The following TRPC6 variants were observed in gnomAD, a reference collection of about 807,000 sequenced individuals.
TRPC6 encodes the protein short transient receptor potential channel 6.
In TRPC6, 55 loss-of-function variants were observed where a neutral mutation model predicts 90.7. The observed-to-expected ratio is 0.61, with a 90% CI of 0.49 to 0.76. TRPC6 has a LOEUF of 0.76. TRPC6 is among the 30% of genes least tolerant of loss of function. The pLI, the probability that TRPC6 is intolerant of heterozygous loss-of-function variation, is 0.00. For synonymous variants in TRPC6, 393 were observed against 393.0 expected (o/e 1.00, Z 0.00); for missense variants, 989 against 1,122.7 (o/e 0.88, Z 1.70).
At chr11:101,458,685 G>C (rs752484073) in intron 10 of TRPC6, among the ~76,000 whole-genome samples, 2 of 151,392 alleles carry the variant, frequency 1.3e-5, no homozygotes, top group Non-Finnish European at 2.9e-5. Flanking sequence ...GTGACCTTTA[G>C]AGTTAAAGGA....
intron 10 of TRPC6, among the ~76,000 whole-genome samples, chr11:101,464,397 G>A (rs1308852337): frequency 6.6e-6 from 1 of 152,144 alleles, no homozygotes; most frequent in East Asian, 1.9e-4. Flanking sequence ...GGATGTTAGA[G>A]TCTCTCACTA....
chr11:101,520,098 T>A (rs1382192984), intron 1 of TRPC6, among the ~76,000 whole-genome samples: 1 of 152,084 alleles, frequency 6.6e-6, no homozygotes, highest in Non-Finnish European at 1.5e-5. Context: ...TGCCCAAATC[T>A]CATGTTGAAT....
chr11:101,528,899 G>T (rs1860846501), intron 1 of TRPC6, among the ~76,000 whole-genome samples: 1 of 151,988 alleles, frequency 6.6e-6, no homozygotes, highest in African/African-American at 2.4e-5. Context: ...CTGGAATCAT[G>T]AAAATATTAA....
chr11:101,521,721 G>A (rs1416633454), intron 1 of TRPC6, among the ~76,000 whole-genome samples: 2 of 152,216 alleles, frequency 1.3e-5, no homozygotes, highest in African/African-American at 2.4e-5. Context: ...TGAGCCATAG[G>A]GGCAAAGCTG....
At chr11:101,490,001 T>C (rs1374164796) in intron 3 of TRPC6, among the ~76,000 whole-genome samples, 6 of 152,178 alleles carry the variant, frequency 3.9e-5, no homozygotes, top group Non-Finnish European at 7.3e-5. Context: ...GTATGGAAAC[T>C]GGTACACCAT....
In TRPC6 at chr11:101,558,393, A is replaced by C. The variant is rs78558450; in HGVS notation, c.170+24941T>G. ...TACATGTATATATGTATACATGTAT[A>C]CATATACACACACACATATACACAC... On this transcript the variant is annotated intron_variant, in intron 1 of 12. Transcript: ENST00000344327. 1.4e-3 allele frequency among the ~76,000 whole-genome samples: 70 copies of C among 50,670 alleles called. 15 individuals carry two copies. Among genetic ancestry groups the C allele is most frequent in the East Asian group, 6.8e-3 (3 of 442 alleles). The allele number at this position is 50,670 out of a possible 152,430, so 33.2% of individuals were successfully genotyped here.
At chr11:101,459,830 C>T (rs1252172692) in intron 10 of TRPC6, among the ~76,000 whole-genome samples, 1 of 152,032 alleles carries the variant, frequency 6.6e-6, no homozygotes. Context: ...TTTTTAAAAC[C>T]AAATAACAAC....
At chr11:101,466,633 T>C (rs957384578) in intron 10 of TRPC6, among the ~76,000 whole-genome samples, 1 of 152,236 alleles carries the variant, frequency 6.6e-6, no homozygotes, top group Non-Finnish European at 1.5e-5. Flanking sequence ...GGATCTTAGT[T>C]TGCTGGGCTC....
At position 101,472,128 on chromosome 11, in the gene TRPC6, A is replaced by C. The variant is rs190441617; in HGVS notation, c.2205+9T>G. On this transcript the variant is annotated intron_variant, in intron 8 of 12. Coordinates refer to ENST00000344327, the MANE Select transcript of TRPC6 (RefSeq NM_004621.6). ...AGGCACAAATTATAAAAATGTATTG[A>C]GATTATACCTCAATTTCCTGGAATG... The C allele has an allele frequency of 8.1e-6, 13 of 1,610,242 alleles. No homozygotes were observed. Among genetic ancestry groups the C allele is most frequent in the Middle Eastern group, 4.5e-4 (2 of 4,462 alleles).
chr11:101,473,431 T>C (rs1310628296), intron 7 of TRPC6, 78 bp downstream of exon 7: 5 of 1,523,026 alleles, frequency 3.3e-6, no homozygotes, highest in Admixed American at 3.5e-5. Flanking sequence ...CATTATCCCA[T>C]GGACTTACAT....
At chr11:101,479,703 A>G (rs1565210219) in intron 5 of TRPC6, among the ~76,000 whole-genome samples, 1 of 152,318 alleles carries the variant, frequency 6.6e-6, no homozygotes, top group Non-Finnish European at 1.5e-5. Context: ...AGCATCAGCT[A>G]TCCTGAGTTG....
intron 1 of TRPC6, among the ~76,000 whole-genome samples, chr11:101,539,886 A>G (rs548287649): frequency 2.0e-5 from 3 of 152,330 alleles, no homozygotes; most frequent in South Asian, 2.1e-4. Context: ...CCACCTGTCT[A>G]GACATCAATG....
At chr11:101,489,480 C>T (rs1565214138) in intron 3 of TRPC6, among the ~76,000 whole-genome samples, 1 of 151,948 alleles carries the variant, frequency 6.6e-6, no homozygotes, top group Non-Finnish European at 1.5e-5. Flanking sequence ...TTTAAAAATA[C>T]CACCTTTCCT....
intron 1 of TRPC6, among the ~76,000 whole-genome samples, chr11:101,526,003 C>A (rs973300815): frequency 5.3e-5 from 8 of 152,170 alleles, no homozygotes; most frequent in Admixed American, 3.3e-4. Context: ...GTACTCATAG[C>A]CCTCATTGCA....
chr11:101,539,801 C>A (rs1416539366), intron 1 of TRPC6, among the ~76,000 whole-genome samples: 1 of 152,088 alleles, frequency 6.6e-6, no homozygotes, highest in Non-Finnish European at 1.5e-5. Flanking sequence ...GCATTAGGAG[C>A]GTTACATTAA....
Position 101,579,233 on chromosome 11 carries a change from T to C in TRPC6, c.170+4101A>G, listed in dbSNP as rs115879088. Reference sequence around the variant, plus strand: ...CCCTTCCATTAATTTTTTTTAAGAATTGTATTTTTTACTTATAGATGTTCT... The same window carrying C: ...CCCTTCCATTAATTTTTTTTAAGAACTGTATTTTTTACTTATAGATGTTCT... On this transcript the variant is annotated intron_variant, in intron 1 of 12. Coordinates refer to ENST00000344327, the MANE Select transcript of TRPC6 (RefSeq NM_004621.6). Among the ~76,000 whole-genome samples, 417 of 152,306 alleles carry C rather than the reference T, an allele frequency of 2.7e-3. 3 individuals are homozygous for C. The highest frequency in any genetic ancestry group is 9.6e-3 in the African/African-American group (400 of 41,580).
intron 1 of TRPC6, among the ~76,000 whole-genome samples, chr11:101,566,394 A>C (rs994544988): frequency 6.6e-6 from 1 of 152,202 alleles, no homozygotes; most frequent in Admixed American, 6.5e-5. Flanking sequence ...AACTTAAATA[A>C]AAATTTATAC....
At chr11:101,552,147 C>T (rs113144703) in intron 1 of TRPC6, among the ~76,000 whole-genome samples, 2,935 of 152,152 alleles carry the variant, frequency 0.019, 53 homozygotes, top group African/African-American at 0.036. Flanking sequence ...AGATCATATA[C>T]TTGATGCACC....
At chr11:101,503,962 G>C (rs1860192816) in intron 2 of TRPC6, 62 bp downstream of exon 2, 4 of 1,603,210 alleles carry the variant, frequency 2.5e-6, no homozygotes, top group Non-Finnish European at 3.4e-6. Context: ...CATGGGGGAA[G>C]CTGGTAAATA....
Sources: allele counts gnomAD v4.1 joint callset (sites outside exome capture counted in the v4.1 genomes callset), GRCh38; gene constraint gnomAD v4.1.1; transcripts MANE v1.5; gene names NCBI Gene and HGNC (gene_info 2026-07-23, HGNC 2026-07-21).